MFHAS1: variants seen among roughly 807,000 people sequenced by gnomAD.
MFHAS1 encodes multifunctional ROCO family signaling regulator 1, also known as malignant fibrous histiocytoma-amplified sequence 1.
MFHAS1 carries 50 observed loss-of-function variants against 70.4 expected under a neutral mutation model. That is an observed-to-expected ratio of 0.71 (90% confidence interval 0.57 to 0.90). The LOEUF (loss-of-function observed/expected upper bound fraction) is 0.90. MFHAS1 is among the 40% of genes least tolerant of loss of function. MFHAS1 has a pLI of 0.00. For missense variants in MFHAS1, 1,795 were observed against 1,347.6 expected (o/e 1.33, Z -5.20); for synonymous variants, 952 against 620.0 (o/e 1.54, Z -7.96).
rs752402309 is a variant in MFHAS1 at position 8,893,110 on chromosome 8, A to G, written c.-52T>C. 7.7e-7 allele frequency: 1 copy of G among 1,294,906 alleles called. No homozygotes were observed. The highest frequency in any genetic ancestry group is 1.0e-6 in the Non-Finnish European group (1 of 998,208). 80.2% of individuals were successfully genotyped at this position (1,294,906 alleles called of 1,614,324 possible). A position where few individuals can be genotyped will look rare whatever the true frequency, so the allele number is the denominator to read the frequency against. ...CGCGGACGCGGGAGCCCGCAGCTAC[A>G]TGCCGCGCCGCGCCCCGGGCCCTCC... is the stretch of plus-strand genomic sequence containing the variant. On this transcript the variant is annotated 5_prime_UTR_variant, in exon 1 of 3. It removes an upstream start codon present in the reference 5' UTR. Transcript: ENST00000276282.
At chr8:8,820,361 G>A (rs1378741784) in intron 1 of MFHAS1, among the ~76,000 whole-genome samples, 1 of 151,996 alleles carries the variant, frequency 6.6e-6, no homozygotes, top group African/African-American at 2.4e-5. Flanking sequence ...GCACACATCA[G>A]GAATTTTTTG....
chr8:8,806,438 G>A (rs1404963468), intron 1 of MFHAS1, among the ~76,000 whole-genome samples: 2 of 152,202 alleles, frequency 1.3e-5, no homozygotes, highest in South Asian at 2.1e-4. Flanking sequence ...TTTCCCCAGC[G>A]AGGTTGCAGG....
At chr8:8,868,498 A>G (rs1027826529) in intron 1 of MFHAS1, among the ~76,000 whole-genome samples, 1 of 151,668 alleles carries the variant, frequency 6.6e-6, no homozygotes. Flanking sequence ...CTTGGTAGAC[A>G]GATGTGCCCT....
intron 1 of MFHAS1, among the ~76,000 whole-genome samples, chr8:8,824,420 T>C (rs1432877893): frequency 6.6e-6 from 1 of 151,912 alleles, no homozygotes; most frequent in Non-Finnish European, 1.5e-5. Context: ...CTCCCTTAAA[T>C]GGCCTGGAAC....
In MFHAS1 at chr8:8,891,895, C is replaced by T. The variant is rs376108914; in HGVS notation, c.1164G>A (p.Gly388=). The T allele has an allele frequency of 4.3e-6, 7 of 1,610,624 alleles. No homozygotes were observed. The highest frequency in any genetic ancestry group is 1.3e-5 in the African/African-American group (1 of 75,002). Residue 388 remains glycine, a synonymous_variant, in exon 1 of 3, where the codon GGG becomes GGA. Coordinates refer to ENST00000276282, the MANE Select transcript of MFHAS1 (RefSeq NM_004225.3). The surrounding 1 kb of genome is among the most constrained non-coding windows in gnomAD (Gnocchi z 5.4). ...IQPPYEVCMK[G]IPYIAAYQKE... is the part of the protein sequence containing the mutation. ...TCTGGTAGGCTGCGATGTAGGGGATCCCCTTCATGCAGACCTCGTAGGGGG... is the reference window on the plus strand; with the variant it reads ...TCTGGTAGGCTGCGATGTAGGGGATTCCCTTCATGCAGACCTCGTAGGGGG...
chr8:8,809,781 G>A (rs1412703699), intron 1 of MFHAS1, among the ~76,000 whole-genome samples: 1 of 152,128 alleles, frequency 6.6e-6, no homozygotes, highest in African/African-American at 2.4e-5. Context: ...CACAAGTCAA[G>A]ATTATAAAAA....
chr8:8,787,842 A>T (rs1303850215), intron 2 of MFHAS1, among the ~76,000 whole-genome samples: 1 of 152,224 alleles, frequency 6.6e-6, no homozygotes, highest in African/African-American at 2.4e-5. Context: ...AAGAATACCT[A>T]ATCAAGGACA....
intron 1 of MFHAS1, among the ~76,000 whole-genome samples, chr8:8,816,990 A>G (rs1372976854): frequency 6.6e-6 from 1 of 152,234 alleles, no homozygotes; most frequent in Non-Finnish European, 1.5e-5. Context: ...AGAGAACTGT[A>G]ACTTAAAAGT....
chr8:8,873,402 G>C (rs1809163568), intron 1 of MFHAS1, among the ~76,000 whole-genome samples: 1 of 151,708 alleles, frequency 6.6e-6, no homozygotes, highest in Non-Finnish European at 1.5e-5. Flanking sequence ...GACTTTGTTA[G>C]CTTGAAATAA....
At chr8:8,880,771 G>A (rs915666692) in intron 1 of MFHAS1, among the ~76,000 whole-genome samples, 4 of 150,686 alleles carry the variant, frequency 2.7e-5, no homozygotes, top group South Asian at 2.1e-4. Context: ...TGCAACCTCC[G>A]CCTCTTGGGT....
intron 2 of MFHAS1, among the ~76,000 whole-genome samples, chr8:8,786,770 C>T (rs145782297): frequency 2.9e-4 from 43 of 150,868 alleles, no homozygotes; most frequent in African/African-American, 1.0e-3. Flanking sequence ...AAAGGAGTTA[C>T]GATTCGTTTC....
chr8:8,890,758 GGAGCTTTCCCCCTCC>G lies in MFHAS1; in HGVS notation c.2286_2300del (p.Glu763_Ser767del), dbSNP rs750066878. 1.2e-6 allele frequency: 2 copies of G among 1,613,900 alleles called. No individual in the cohort carries two copies. Among genetic ancestry groups the G allele is most frequent in the Non-Finnish European group, 1.7e-6 (2 of 1,179,896 alleles). On this transcript the variant is annotated inframe_deletion, in exon 1 of 3. Coordinates refer to ENST00000276282, the MANE Select transcript of MFHAS1 (RefSeq NM_004225.3). ...TGGGGGTGGACCGCGCCATGGGCGG[GGAGCTTTCCCCCTCC>G]GCCTTGCCCTCTCCACTGGTCCCTA...
chr8:8,879,239 C>G (rs1809413262), intron 1 of MFHAS1, among the ~76,000 whole-genome samples: 1 of 151,972 alleles, frequency 6.6e-6, no homozygotes, highest in African/African-American at 2.4e-5. Context: ...GTAGTCCCAG[C>G]TAGTTGGGAG....
intron 1 of MFHAS1, chr8:8,860,010 T>G (rs1808601204): frequency 6.6e-6 from 1 of 152,178 alleles, no homozygotes; most frequent in Admixed American, 6.5e-5. Context: ...GGATTTAGGA[T>G]CTGAAACACA....
intron 1 of MFHAS1, among the ~76,000 whole-genome samples, chr8:8,841,557 T>A (rs1378688338): frequency 6.6e-6 from 1 of 152,178 alleles, no homozygotes; most frequent in Non-Finnish European, 1.5e-5. Context: ...GCAAACATGC[T>A]GAATGTAAGA....
chr8:8,855,081 G>A (rs1161118244), intron 1 of MFHAS1, among the ~76,000 whole-genome samples: 1 of 152,042 alleles, frequency 6.6e-6, no homozygotes, highest in Non-Finnish European at 1.5e-5. Flanking sequence ...ATATATGGGG[G>A]GTTTGGTTCT....
chr8:8,806,859 G>A (rs948392900), intron 1 of MFHAS1, among the ~76,000 whole-genome samples: 15 of 152,052 alleles, frequency 9.9e-5, no homozygotes, highest in Non-Finnish European at 1.5e-4. Context: ...AACTTGGGAG[G>A]CTGAGGCAGG....
At chr8:8,797,569 G>C in intron 1 of MFHAS1, 78 bp from the exon 2 acceptor site, 1 of 1,475,900 alleles carries the variant, frequency 6.8e-7, no homozygotes, top group Non-Finnish European at 9.3e-7. Flanking sequence ...AGCACTGCCC[G>C]GGGATGGGGG....
chr8:8,882,152 G>A (rs1395976076), intron 1 of MFHAS1, among the ~76,000 whole-genome samples: 6 of 152,066 alleles, frequency 3.9e-5, no homozygotes, highest in African/African-American at 2.4e-5. Flanking sequence ...AGGCCAAAGC[G>A]GGCAGACCAC....
Sources: allele counts gnomAD v4.1 joint callset (sites outside exome capture counted in the v4.1 genomes callset), GRCh38; gene constraint gnomAD v4.1.1; non-coding constraint Gnocchi (gnomAD v3.1); transcripts MANE v1.5; gene names NCBI Gene and HGNC (gene_info 2026-07-23, HGNC 2026-07-21).